MEGF11: variants seen among roughly 807,000 people sequenced by gnomAD.
MEGF11 encodes the protein multiple epidermal growth factor-like domains protein 11.
A neutral mutation model predicts 146.6 loss-of-function variants in MEGF11; 126 were observed. The observed-to-expected ratio is 0.86, with a 90% CI of 0.74 to 1.00. The LOEUF is 1.00. Among genes scored for constraint, MEGF11 ranks in the 50% least tolerant of loss-of-function variants. The pLI is 0.00. For synonymous variants in MEGF11, 532 were observed against 583.4 expected, an observed-to-expected ratio of 0.91 and a Z score of 1.27; for missense variants, 1,509 against 1,521.2, an observed-to-expected ratio of 0.99 and a Z score of 0.13.
At chr15:65,955,231 T>G (rs763724959) in intron 10 of MEGF11, among the ~76,000 whole-genome samples, 27 of 151,892 alleles carry the variant, frequency 1.8e-4, no homozygotes, top group Non-Finnish European at 3.7e-4. Context: ...CTACCCAAAT[T>G]CAAAACCCAG....
In MEGF11 at chr15:65,916,191, C is replaced by T. The variant is rs1185617724; in HGVS notation, c.2301G>A (p.Lys767=). ...NGASCDHISG[K]CTCRTGFTGQ... is the part of the protein sequence containing the mutation. The stretch of plus-strand genomic sequence containing the variant: ...CGGTGAAGCCTGTGCGGCAGGTGCA[C>T]TTGCCACTGATGTGGTCACAGCTGG... The change falls in exon 18 of 26, where the codon AAG becomes AAA. Residue 767 remains lysine (K), a synonymous_variant. Transcript: ENST00000395614. 4 of 1,583,434 alleles carry T rather than the reference C, an allele frequency of 2.5e-6. No homozygotes were observed. The highest frequency in any genetic ancestry group is 3.4e-6 in the Non-Finnish European group (4 of 1,164,814).
intron 1 of MEGF11, among the ~76,000 whole-genome samples, chr15:66,203,493 C>T (rs2091223491): frequency 6.6e-6 from 1 of 152,178 alleles, no homozygotes; most frequent in Non-Finnish European, 1.5e-5. Flanking sequence ...AATCTAAACT[C>T]TGAGTATGTG....
At chr15:65,950,713 C>T (rs551249036) in intron 10 of MEGF11, among the ~76,000 whole-genome samples, 9 of 152,288 alleles carry the variant, frequency 5.9e-5, no homozygotes, top group South Asian at 2.1e-4. Context: ...AGCTGGTATT[C>T]GAAGGCAGAG....
intron 7 of MEGF11, among the ~76,000 whole-genome samples, chr15:65,974,892 C>G (rs969987158): frequency 6.6e-6 from 1 of 151,820 alleles, no homozygotes; most frequent in African/African-American, 2.4e-5. Flanking sequence ...GTTGCCCGGG[C>G]TGGAGTGCAA....
intron 5 of MEGF11, among the ~76,000 whole-genome samples, chr15:66,056,358 T>C (rs992729290): frequency 6.6e-6 from 1 of 152,118 alleles, no homozygotes; most frequent in African/African-American, 2.4e-5. Context: ...GAGATCAAAA[T>C]AGGAGCCCCA....
At chr15:66,188,849 A>T (rs1040937419) in intron 1 of MEGF11, among the ~76,000 whole-genome samples, 1 of 152,072 alleles carries the variant, frequency 6.6e-6, no homozygotes, top group Non-Finnish European at 1.5e-5. Context: ...CACATGTGCA[A>T]TTTTTTTTCT....
chr15:66,011,482 AG>A lies in MEGF11; in HGVS notation c.395-28995del, dbSNP rs558755218. On this transcript the variant is annotated intron_variant, in intron 5 of 25. Transcript: ENST00000395614. Reference sequence around the variant, plus strand: ...CCACTTGTGAACATCGAGAAGTCAGAGGCAGAACAACCTCGGACTTGAGAGC... The same window carrying A: ...CCACTTGTGAACATCGAGAAGTCAGAGCAGAACAACCTCGGACTTGAGAGC... Among the ~76,000 whole-genome samples, 69 of 152,268 alleles carry A rather than the reference AG, an allele frequency of 4.5e-4. No homozygotes were observed. In the South Asian group the frequency reaches 0.013, roughly 28 times the overall value.
Position 66,229,924 on chromosome 15 carries a change from G to C in MEGF11, c.-9+23681C>G, listed in dbSNP as rs16949701. The stretch of plus-strand genomic sequence containing the variant: ...ATTTGTTTGGTCTCAAGCTCTGTTT[G>C]TTTTGAGGCTGCAACAAATTCTGTC... On this transcript the variant is annotated intron_variant, in intron 1 of 25. Coordinates refer to ENST00000395614, the MANE Select transcript of MEGF11 (RefSeq NM_001385028.1). Among the ~76,000 whole-genome samples, 869 of 152,310 alleles carry C rather than the reference G, an allele frequency of 5.7e-3. 7 individuals carry two copies. Among genetic ancestry groups the C allele is most frequent in the African/African-American group, 0.019 (805 of 41,570 alleles).
chr15:66,194,074 G>T (rs964603736), intron 1 of MEGF11, among the ~76,000 whole-genome samples: 1 of 152,072 alleles, frequency 6.6e-6, no homozygotes, highest in Non-Finnish European at 1.5e-5. Context: ...AGTACAATTC[G>T]CAATTGCAAA....
chr15:66,212,214 G>A (rs887717903), intron 1 of MEGF11, among the ~76,000 whole-genome samples: 9 of 152,076 alleles, frequency 5.9e-5, no homozygotes, highest in Admixed American at 2.0e-4. Flanking sequence ...ACAAGGGACG[G>A]GTGTCAGGGA....
At chr15:66,025,201 G>C (rs2083286208) in intron 5 of MEGF11, among the ~76,000 whole-genome samples, 1 of 152,240 alleles carries the variant, frequency 6.6e-6, no homozygotes, top group Admixed American at 6.5e-5. Flanking sequence ...ACCTGGGCCA[G>C]TGCCCAAGAG....
At chr15:65,915,122 A>G (rs115114745) in intron 19 of MEGF11, among the ~76,000 whole-genome samples, 10 of 152,336 alleles carry the variant, frequency 6.6e-5, no homozygotes, top group African/African-American at 2.4e-4. Flanking sequence ...AGGCCTAGCA[A>G]AATCAAATAA....
At chr15:66,078,230 G>A (rs2085677081) in intron 5 of MEGF11, among the ~76,000 whole-genome samples, 2 of 152,246 alleles carry the variant, frequency 1.3e-5, no homozygotes, top group African/African-American at 4.8e-5. Flanking sequence ...CTAGGACGGT[G>A]TGTAGAGGAA....
intron 1 of MEGF11, among the ~76,000 whole-genome samples, chr15:66,225,066 C>T (rs1034318523): frequency 6.6e-6 from 1 of 152,182 alleles, no homozygotes; most frequent in African/African-American, 2.4e-5. Flanking sequence ...GACCCTGAGA[C>T]AAGGAGGCAG....
intron 24 of MEGF11, chr15:65,905,848 C>T: frequency 2.4e-6 from 1 of 413,046 alleles, no homozygotes; most frequent in East Asian, 3.8e-5. Flanking sequence ...TATAAAAAAC[C>T]CACAAGCATT....
At chr15:65,933,947 A>G (rs1213981518) in intron 10 of MEGF11, among the ~76,000 whole-genome samples, 1 of 152,248 alleles carries the variant, frequency 6.6e-6, no homozygotes, top group Non-Finnish European at 1.5e-5. Context: ...AGAAAGCACT[A>G]TACAAGCTAT....
chr15:66,044,386 C>T (rs542127538), intron 5 of MEGF11, among the ~76,000 whole-genome samples: 1 of 152,304 alleles, frequency 6.6e-6, no homozygotes, highest in South Asian at 2.1e-4. Context: ...ACTGTGTTCT[C>T]TCTGTGCTCC....
chr15:65,916,214 T>C lies in MEGF11; in HGVS notation c.2278A>G (p.Ser760Gly). 1 of 1,573,460 alleles carries C rather than the reference T, an allele frequency of 6.4e-7. No homozygotes were observed. The highest frequency in any genetic ancestry group is 8.6e-7 in the Non-Finnish European group (1 of 1,159,402). The change falls in exon 18 of 26, where the codon AGC becomes GGC. Residue 760 changes from serine to glycine, a missense_variant. Physicochemically the swap from Ser to Gly is moderately conservative, Grantham distance 56 (BLOSUM62 0). Coordinates refer to ENST00000395614, the MANE Select transcript of MEGF11 (RefSeq NM_001385028.1). Reference sequence around the variant, plus strand: ...CACTTGCCACTGATGTGGTCACAGCTGGCGCCATTCTGACACTGGCATACG... The same window carrying C: ...CACTTGCCACTGATGTGGTCACAGCCGGCGCCATTCTGACACTGGCATACG... ...GRVCQCQNGA[S>G]CDHISGKCTC...
intron 1 of MEGF11, among the ~76,000 whole-genome samples, chr15:66,128,824 T>C (rs2088513462): frequency 6.6e-6 from 1 of 152,060 alleles, no homozygotes; most frequent in Non-Finnish European, 1.5e-5. Context: ...TTGACATTCT[T>C]TGCCCATCTA....
Sources: allele counts gnomAD v4.1 joint callset (sites outside exome capture counted in the v4.1 genomes callset), GRCh38; gene constraint gnomAD v4.1.1; transcripts MANE v1.5; gene names NCBI Gene and HGNC (gene_info 2026-07-23, HGNC 2026-07-21).